The following BICD1 variants were observed in gnomAD, a reference collection of about 807,000 sequenced individuals.
The protein encoded by BICD1 is protein bicaudal D homolog 1.
BICD1 carries 35 observed loss-of-function variants against 92.5 expected under a neutral mutation model. The observed-to-expected ratio is 0.38, with a 90% CI of 0.29 to 0.50. The LOEUF (loss-of-function observed/expected upper bound fraction) is 0.50, where lower values mean the gene tolerates loss of function less well. BICD1 is among the 20% of genes least tolerant of loss of function. The pLI is 0.93. For missense variants in BICD1, 950 were observed against 1,189.8 expected (o/e 0.80, Z 2.97); for synonymous variants, 429 against 465.1 (o/e 0.92, Z 1.00).
At chr12:32,175,674 C>G (rs1944070842) in intron 1 of BICD1, among the ~76,000 whole-genome samples, 1 of 152,040 alleles carries the variant, frequency 6.6e-6, no homozygotes, top group African/African-American at 2.4e-5. Flanking sequence ...GGAAGGTCCC[C>G]CAATTTTTTC....
chr12:32,126,307 T>C (rs1010921296), intron 1 of BICD1, among the ~76,000 whole-genome samples: 5 of 152,048 alleles, frequency 3.3e-5, no homozygotes, highest in African/African-American at 1.2e-4. Flanking sequence ...CTCACCACGG[T>C]TTGCAGACTG....
rs77106355 is a variant in BICD1, at chr12:32,292,680, T to C, written c.427-1314T>C. On this transcript the variant is annotated intron_variant, in intron 2 of 9. Coordinates refer to ENST00000652176, the MANE Select transcript of BICD1 (RefSeq NM_001714.4). ...TATGGTGTGAAGGCCAAATGCATCA[T>C]GACTTATTTTTTTCGCATATGGATA... 1.0e-2 allele frequency among the ~76,000 whole-genome samples: 1,517 copies of C among 152,340 alleles called. 33 individuals are homozygous for C. The highest frequency in any genetic ancestry group is 0.034 in the African/African-American group (1,423 of 41,582).
chr12:32,141,790 A>G (rs1030712348), intron 1 of BICD1, among the ~76,000 whole-genome samples: 3 of 152,060 alleles, frequency 2.0e-5, no homozygotes, highest in Non-Finnish European at 2.9e-5. Context: ...CCCATTTTGA[A>G]TAGCACTTAC....
At chr12:32,223,439 C>T (rs986715830) in intron 2 of BICD1, among the ~76,000 whole-genome samples, 1 of 150,028 alleles carries the variant, frequency 6.7e-6, no homozygotes, top group Admixed American at 6.7e-5. Context: ...ATCGCTTGAA[C>T]GTGAGAGGCA....
chr12:32,294,269 T>A, intron 3 of BICD1, 123 bp downstream of exon 3: 3 of 970,914 alleles, frequency 3.1e-6, no homozygotes, highest in Non-Finnish European at 3.0e-6. Flanking sequence ...ATAACATTTA[T>A]GTACTGCAAT....
Position 32,377,594 on chromosome 12 carries a change from T to C in BICD1, c.2895T>C (p.Pro965=). The C allele has an allele frequency of 6.2e-7, 1 of 1,613,986 alleles. No homozygotes were observed. Among genetic ancestry groups the C allele is most frequent in the South Asian group, 1.1e-5 (1 of 91,070 alleles). ...CACATTCCAGCTCCCAGTGCGCCCCTCTCCACTGTCTCTCCAAGCCTCCTC... is the reference window on the plus strand; with the variant it reads ...CACATTCCAGCTCCCAGTGCGCCCCCCTCCACTGTCTCTCCAAGCCTCCTC... ...EQPHSSSQCA[P]LHCLSKPPHP Residue 965 remains proline (P), a synonymous_variant, in exon 10 of 10, where the codon CCT becomes CCC. Coordinates refer to ENST00000652176, the MANE Select transcript of BICD1 (RefSeq NM_001714.4).
Position 32,216,392 on chromosome 12 carries a change from G to A in BICD1, c.359G>A (p.Arg120Gln). The change falls in exon 2 of 10, where the codon CGG becomes CAG. Residue 120 changes from arginine to glutamine, a missense_variant. By Grantham distance (43) the Arg-to-Gln change is conservative (BLOSUM62 1). Transcript: ENST00000652176. ...ATGCAGAACGAGCTGAAACAGAGCCGGGCTGTGGTCACTAATGTACAGGCA... is the reference window on the plus strand; with the variant it reads ...ATGCAGAACGAGCTGAAACAGAGCCAGGCTGTGGTCACTAATGTACAGGCA... Reference protein sequence around the residue: ...LEMQNELKQSRAVVTNVQAEN... With the variant: ...LEMQNELKQSQAVVTNVQAEN... 1 of 1,614,150 alleles carries A rather than the reference G, an allele frequency of 6.2e-7. No homozygotes were observed. The highest frequency in any genetic ancestry group is 8.5e-7 in the Non-Finnish European group (1 of 1,180,014).
At chr12:32,260,548 T>C (rs140773254) in intron 2 of BICD1, among the ~76,000 whole-genome samples, 5 of 152,308 alleles carry the variant, frequency 3.3e-5, no homozygotes, top group Admixed American at 3.3e-4. Flanking sequence ...CATATACATA[T>C]ACATTCCAAA....
intron 1 of BICD1, among the ~76,000 whole-genome samples, chr12:32,173,178 G>T (rs929830359): frequency 6.6e-6 from 1 of 152,084 alleles, no homozygotes; most frequent in African/African-American, 2.4e-5. Context: ...CTCCTGAGTA[G>T]CTGGGACTAA....
intron 1 of BICD1, among the ~76,000 whole-genome samples, chr12:32,114,016 C>T (rs575704361): frequency 1.9e-4 from 29 of 152,184 alleles, no homozygotes; most frequent in Non-Finnish European, 2.9e-4. Context: ...ATTATAGGCG[C>T]GCGCCACCAC....
In BICD1 at chr12:32,328,080, G is replaced by A. The variant is rs1948832791; in HGVS notation, c.1625G>A (p.Arg542Lys). The change falls in exon 5 of 10, where the codon AGA becomes AAA. Residue 542 changes from arginine (R) to lysine (K), a missense_variant. Transcript: ENST00000652176. This position sits in a 1 kb window ranked among gnomAD's most constrained non-coding sequence, Gnocchi z 4.4. Reference sequence around the variant, plus strand: ...ATGCTGGATTACTATAGGCAGAGCAGAGTCACCCGCAGTGGCAGCCTGAAA... The same window carrying A: ...ATGCTGGATTACTATAGGCAGAGCAAAGTCACCCGCAGTGGCAGCCTGAAA... ...RVMLDYYRQSRVTRSGSLKGP... is the reference protein window; with the variant it reads ...RVMLDYYRQSKVTRSGSLKGP... 2 of 1,614,058 alleles carry A rather than the reference G, an allele frequency of 1.2e-6. 1 individual carries two copies. Among genetic ancestry groups the A allele is most frequent in the Non-Finnish European group, 1.7e-6 (2 of 1,180,040 alleles).
chr12:32,191,067 G>A (rs1330920736), intron 1 of BICD1, among the ~76,000 whole-genome samples: 2 of 152,132 alleles, frequency 1.3e-5, no homozygotes, highest in Admixed American at 6.6e-5. Context: ...CATACCAAAA[G>A]TTACAGGATG....
At chr12:32,305,422 T>C (rs1218625938) in intron 3 of BICD1, among the ~76,000 whole-genome samples, 1 of 151,614 alleles carries the variant, frequency 6.6e-6, no homozygotes, top group African/African-American at 2.4e-5. Flanking sequence ...TTGAATTATA[T>C]AGAGAGTTAT....
Position 32,216,249 on chromosome 12 carries a change from A to T in BICD1, c.216A>T (p.Ala72=). The T allele has an allele frequency of 6.2e-7, 1 of 1,613,354 alleles. No homozygotes were observed. The highest frequency in any genetic ancestry group is 8.5e-7 in the Non-Finnish European group (1 of 1,179,882). ...TTTTCTTCCCATATACTCTGCAGGC[A>T]TTTGGGCAGTCCTTCTCCATCCACC... ...LKQELEQLKE[A]FGQSFSIHRK... Residue 72 remains alanine (A), a splice_region_variant and synonymous_variant, in exon 2 of 10, where the codon GCA becomes GCT. Transcript: ENST00000652176.
intron 2 of BICD1, among the ~76,000 whole-genome samples, chr12:32,291,916 T>C (rs1250851593): frequency 6.6e-6 from 1 of 152,216 alleles, no homozygotes; most frequent in East Asian, 1.9e-4. Context: ...GGTATACTTC[T>C]AGAGCTGGCT....
At chr12:32,296,351 G>A (rs1025190469) in intron 3 of BICD1, among the ~76,000 whole-genome samples, 1 of 145,166 alleles carries the variant, frequency 6.9e-6, no homozygotes, top group East Asian at 2.1e-4. Context: ...TCTGCCTCCT[G>A]GGTTCAAGCG....
chr12:32,189,629 T>TA (rs1944509877), intron 1 of BICD1, among the ~76,000 whole-genome samples: 1 of 151,742 alleles, frequency 6.6e-6, no homozygotes, highest in Admixed American at 6.6e-5. Flanking sequence ...GAATACACAG[T>TA]ATAAAAAGGT....
At chr12:32,325,123 C>T (rs1948745764) in intron 4 of BICD1, among the ~76,000 whole-genome samples, 1 of 147,296 alleles carries the variant, frequency 6.8e-6, no homozygotes, top group African/African-American at 2.5e-5. Flanking sequence ...ACAGGCACAC[C>T]CCACTGCACC....
chr12:32,300,106 A>AT lies in BICD1; in HGVS notation c.580-5578dup, dbSNP rs1266258441. 3.7e-3 allele frequency among the ~76,000 whole-genome samples: 538 copies of AT among 144,174 alleles called. 5 individuals are homozygous for AT. The highest frequency in any genetic ancestry group is 0.014 in the Middle Eastern group (4 of 280). The allele number at this position is 144,174 out of a possible 152,430, so 94.6% of individuals were successfully genotyped here. On this transcript the variant is annotated intron_variant, in intron 3 of 9. Transcript: ENST00000652176. ...CTGGATTTGCTCCGGAGGACATACT[A>AT]TTTTTTTTTTTTTGAGACAGAGGCT...
Sources: gnomAD v4.1 joint callset for allele counts (sites outside exome capture counted in the v4.1 genomes callset) on GRCh38, gnomAD v4.1.1 for gene constraint, Gnocchi (gnomAD v3.1) non-coding constraint, MANE v1.5 for transcripts, NCBI Gene and HGNC (gene_info 2026-07-23, HGNC 2026-07-21) for gene names.